The following VSTM1 variants were observed in gnomAD, a reference collection of about 807,000 sequenced individuals.
VSTM1 encodes V-set and transmembrane domain-containing protein 1.
VSTM1 carries 27 observed loss-of-function variants against 33.1 expected under a neutral mutation model. The observed-to-expected ratio is 0.82, with a 90% confidence interval of 0.60 to 1.12. The LOEUF is 1.12. VSTM1 is among the 50% of genes most tolerant of loss of function. The probability of loss-of-function intolerance (pLI) is 0.00; values close to 1 mark genes in which losing one functional copy is unlikely to be tolerated. For missense variants in VSTM1, 304 were observed against 288.9 expected, an observed-to-expected ratio of 1.05 and a Z score of -0.38; for synonymous variants, 115 against 110.3, an observed-to-expected ratio of 1.04 and a Z score of -0.27.
chr19:54,050,290 C>T (rs1222523344), intron 4 of VSTM1, among the ~76,000 whole-genome samples: 1 of 151,888 alleles, frequency 6.6e-6, no homozygotes, highest in Non-Finnish European at 1.5e-5. Flanking sequence ...TGAGCCACCT[C>T]GCCTGGCCCA....
intron 3 of VSTM1, chr19:54,055,909 C>G (rs2071062747): frequency 7.0e-6 from 1 of 142,290 alleles, no homozygotes; most frequent in South Asian, 2.3e-4. Context: ...TGTCTTTCAT[C>G]TTCTGCATTT....
chr19:54,047,156 T>C (rs992059846), intron 4 of VSTM1, among the ~76,000 whole-genome samples: 1 of 151,980 alleles, frequency 6.6e-6, no homozygotes, highest in African/African-American at 2.4e-5. Flanking sequence ...GATCACGCCA[T>C]TGCACTCCAG....
chr19:54,041,805 A>G lies in VSTM1; in HGVS notation c.565T>C (p.Ser189Pro), dbSNP rs111733817. 200 of 1,613,656 alleles carry G rather than the reference A, an allele frequency of 1.2e-4. 1 individual carries two copies. The African/African-American group carries it at 2.4e-3, about 19-fold the overall frequency. ...GAGAGAGATACCCTTTCCATATTGG[A>G]TAAATCTGCCTCTGAGTGAGAAAGG... ...PEQEAAEADLSNMERVSLSTA... is the reference protein window; with the variant it reads ...PEQEAAEADLPNMERVSLSTA... Residue 189 changes from serine to proline, a missense_variant, in exon 8 of 9, where the codon TCC (serine) becomes CCC (proline). Physicochemically the swap from Ser to Pro is moderately conservative, Grantham distance 74 (BLOSUM62 -1). Transcript: ENST00000338372.
At chr19:54,042,816 A>ATATATATATGTG (rs1555752453) in intron 4 of VSTM1, among the ~76,000 whole-genome samples, 2 of 54,974 alleles carry the variant, frequency 3.6e-5, no homozygotes, top group African/African-American at 1.2e-4. Flanking sequence ...GTATATATAT[A>ATATATATATGTG]TATATATATA....
intron 4 of VSTM1, among the ~76,000 whole-genome samples, chr19:54,047,441 C>A (rs781772724): frequency 2.4e-4 from 36 of 152,096 alleles, no homozygotes; most frequent in Admixed American, 3.3e-4. Flanking sequence ...TACAAGCACC[C>A]GCCACCTCAC....
intron 4 of VSTM1, 151 bp downstream of exon 4, chr19:54,051,259 T>G: frequency 1.3e-6 from 1 of 746,926 alleles, no homozygotes; most frequent in Non-Finnish European, 2.1e-6. Context: ...GCCACTGTAC[T>G]CCAGCCTTGG....
In VSTM1 at chr19:54,058,707, C is replaced by T. The variant is rs1000929853; in HGVS notation, c.60G>A (p.Glu20=). 3 of 1,613,764 alleles carry T rather than the reference C, an allele frequency of 1.9e-6. No individual in the cohort carries two copies. The highest frequency in any genetic ancestry group is 2.5e-6 in the Non-Finnish European group (3 of 1,180,010). The change falls in exon 2 of 9, where the codon GAG becomes GAA. Residue 20 remains glutamate, a synonymous_variant. Coordinates refer to ENST00000338372, the MANE Select transcript of VSTM1 (RefSeq NM_198481.4). ...CLGLCLGYED[E]KKNEKPPKPS... is the part of the protein sequence containing the mutation. ...TAGGAGAAAACTCACCATTCTTTTT[C>T]TCATCTTCGTAGCCCAGACACAGCC...
rs184815865 is a variant in VSTM1, at chr19:54,060,450, G to A, written c.35-1718C>T. 2.8e-4 allele frequency among the ~76,000 whole-genome samples: 42 copies of A among 152,190 alleles called. 1 individual carries two copies. The East Asian group carries it at 5.2e-3, about 19-fold the overall frequency. On this transcript the variant is annotated intron_variant, in intron 1 of 8. Transcript: ENST00000338372. ...TTGGTTCCTTGTTGACACAGGTGCC[G>A]ATACAGAACGTGACCCCCCACCAAG...
intron 3 of VSTM1, 66 bp downstream of exon 3, chr19:54,058,239 TA>T (rs375968457): frequency 0.037 from 44,039 of 1,186,288 alleles, no homozygotes; most frequent in South Asian, 0.056. Flanking sequence ...GACTCTGTCT[TA>T]AAAAAAAAAA....
intron 4 of VSTM1, among the ~76,000 whole-genome samples, chr19:54,050,702 G>A (rs59290587): frequency 0.27 from 40,712 of 151,950 alleles, 5,868 homozygotes; most frequent in Non-Finnish European, 0.33. Flanking sequence ...CTTCTAGGCC[G>A]GGTGCGGTGG....
chr19:54,048,176 C>G (rs768051245), intron 4 of VSTM1, among the ~76,000 whole-genome samples: 3 of 152,094 alleles, frequency 2.0e-5, no homozygotes, highest in Admixed American at 2.0e-4. Context: ...AGTGCTGTGG[C>G]GCAATCACAG....
At chr19:54,051,195 G>C (rs189053785) in intron 4 of VSTM1, among the ~76,000 whole-genome samples, 2 of 152,268 alleles carry the variant, frequency 1.3e-5, no homozygotes, top group Admixed American at 1.3e-4. Context: ...GGGAGGCTGA[G>C]GCAGGAAAAT....
intron 6 of VSTM1, 22 bp from the exon 7 acceptor site, chr19:54,041,975 G>A: frequency 1.2e-6 from 2 of 1,614,112 alleles, no homozygotes; most frequent in Non-Finnish European, 1.7e-6. Context: ...AGACACACGT[G>A]AAAGGATGGG....
intron 3 of VSTM1, among the ~76,000 whole-genome samples, chr19:54,054,838 T>C (rs946254426): frequency 9.4e-6 from 1 of 106,522 alleles, no homozygotes; most frequent in Non-Finnish European, 2.2e-5. Context: ...GATGGATTAA[T>C]GGATAGATGA....
chr19:54,044,492 G>C (rs142389571), intron 4 of VSTM1, among the ~76,000 whole-genome samples: 1 of 152,090 alleles, frequency 6.6e-6, no homozygotes, highest in Non-Finnish European at 1.5e-5. Context: ...CCTGGGAGGC[G>C]GAGGTTGCAG....
At chr19:54,055,907 A>G (rs2071062597) in intron 3 of VSTM1, 1 of 142,058 alleles carries the variant, frequency 7.0e-6, no homozygotes, top group Non-Finnish European at 1.6e-5. Flanking sequence ...CATGTCTTTC[A>G]TCTTCTGCAT....
chr19:54,052,845 G>A, intron 3 of VSTM1: 1 of 148,656 alleles, frequency 6.7e-6, no homozygotes, highest in South Asian at 1.5e-4. Flanking sequence ...GGCCGGGCAT[G>A]ATGGCCTGTG....
intron 3 of VSTM1, among the ~76,000 whole-genome samples, chr19:54,051,696 C>T (rs4442925): frequency 0.45 from 68,454 of 151,946 alleles, 15,498 homozygotes; most frequent in East Asian, 0.59. Context: ...ACCCTGCTAA[C>T]GCCCCCTCCA....
At chr19:54,059,948 C>A (rs996577284) in intron 1 of VSTM1, among the ~76,000 whole-genome samples, 115 of 151,088 alleles carry the variant, frequency 7.6e-4, no homozygotes, top group African/African-American at 2.5e-3. Flanking sequence ...CCCGGGTTCA[C>A]GCCATTCTCC....
Sources: allele counts gnomAD v4.1 joint callset (sites outside exome capture counted in the v4.1 genomes callset), GRCh38; gene constraint gnomAD v4.1.1; transcripts MANE v1.5; gene names NCBI Gene and HGNC (gene_info 2026-07-23, HGNC 2026-07-21).